The following SLC39A11 variants were observed in gnomAD, a reference collection of about 807,000 sequenced individuals.
SLC39A11 encodes the protein solute carrier family 39 member 11, also known as zinc transporter ZIP11.
Under a neutral mutation model 36.1 loss-of-function variants are expected in SLC39A11, and 33 were observed. That is an observed-to-expected ratio of 0.91 (90% CI 0.69 to 1.22). SLC39A11 has a LOEUF of 1.22. SLC39A11 is among the 50% of genes most tolerant of loss of function. The probability of loss-of-function intolerance (pLI) is 0.00; values close to 1 mark genes in which losing one functional copy is unlikely to be tolerated. For missense variants in SLC39A11, 432 were observed against 430.3 expected (o/e 1.00, Z -0.03); for synonymous variants, 166 against 170.3 (o/e 0.97, Z 0.20).
chr17:72,999,920 T>G (rs1054638608), intron 4 of SLC39A11, among the ~76,000 whole-genome samples: 1 of 151,986 alleles, frequency 6.6e-6, no homozygotes, highest in Non-Finnish European at 1.5e-5. Context: ...TTTGTATTTT[T>G]AGTAGAGATG....
intron 7 of SLC39A11, among the ~76,000 whole-genome samples, chr17:72,679,772 G>A (rs967354616): frequency 8.5e-5 from 13 of 152,216 alleles, no homozygotes; most frequent in Admixed American, 2.6e-4. Context: ...GGCTGGGCAC[G>A]GTGGCTCACG....
chr17:72,769,647 T>A (rs958613857), intron 6 of SLC39A11, among the ~76,000 whole-genome samples: 2 of 151,864 alleles, frequency 1.3e-5, no homozygotes, highest in East Asian at 3.9e-4. Context: ...TGGGTTCAAG[T>A]GATTCTCCTG....
intron 4 of SLC39A11, among the ~76,000 whole-genome samples, chr17:73,008,766 G>A (rs753314963): frequency 2.6e-5 from 4 of 152,046 alleles, no homozygotes; most frequent in South Asian, 2.1e-4. Flanking sequence ...AAGCAATGAC[G>A]TTCTCGGCCA....
chr17:72,926,854 G>T (rs2084078830), intron 5 of SLC39A11, among the ~76,000 whole-genome samples: 1 of 152,046 alleles, frequency 6.6e-6, no homozygotes, highest in Non-Finnish European at 1.5e-5. Flanking sequence ...GACCCCAGGG[G>T]GACACCTGGG....
intron 6 of SLC39A11, among the ~76,000 whole-genome samples, chr17:72,787,253 C>CTTTTTTTTT (rs56100121): frequency 1.5e-4 from 12 of 80,484 alleles, no homozygotes; most frequent in African/African-American, 2.0e-4. Context: ...TAACCCATGG[C>CTTTTTTTTT]TTTTTTTTTT....
At chr17:72,874,069 T>A (rs2080777790) in intron 5 of SLC39A11, among the ~76,000 whole-genome samples, 1 of 152,174 alleles carries the variant, frequency 6.6e-6, no homozygotes, top group South Asian at 2.1e-4. Context: ...CTTTCCTTTA[T>A]AAACTACCCA....
At chr17:72,749,692 C>G (rs2075076149) in intron 6 of SLC39A11, among the ~76,000 whole-genome samples, 1 of 152,116 alleles carries the variant, frequency 6.6e-6, no homozygotes, top group South Asian at 2.1e-4. Context: ...AGTGCCACCC[C>G]ACCCTAGACA....
chr17:72,877,580 T>C (rs750441543), intron 5 of SLC39A11, among the ~76,000 whole-genome samples: 1 of 151,996 alleles, frequency 6.6e-6, no homozygotes, highest in African/African-American at 2.4e-5. Flanking sequence ...GTAATCAAGG[T>C]GGAAGAAAAA....
At chr17:72,865,582 A>G (rs990246751) in intron 5 of SLC39A11, among the ~76,000 whole-genome samples, 4 of 151,302 alleles carry the variant, frequency 2.6e-5, no homozygotes, top group African/African-American at 7.3e-5. Flanking sequence ...ACCTACTCTA[A>G]AAAAAAATAC....
intron 3 of SLC39A11, among the ~76,000 whole-genome samples, chr17:73,081,768 C>CACATATATGT (rs2060542300): frequency 6.3e-5 from 5 of 79,362 alleles, no homozygotes; most frequent in Non-Finnish European, 8.5e-5. Flanking sequence ...TGGGTATATA[C>CACATATATGT]ATATATATAT....
chr17:73,004,298 T>C (rs548428244), intron 4 of SLC39A11, among the ~76,000 whole-genome samples: 6 of 152,242 alleles, frequency 3.9e-5, no homozygotes, highest in African/African-American at 1.4e-4. Context: ...TTATTTCTCA[T>C]AGTTCTGGAG....
In SLC39A11 at chr17:72,744,844, CTTTTCTT is replaced by C. The variant is rs112458901; in HGVS notation, c.602-8132_602-8126del. On this transcript the variant is annotated intron_variant, in intron 6 of 9. Transcript: ENST00000255559. ...GGGGTTAGCATCTCAGCATACACAT[CTTTTCTT>C]TTTTATTTGAGATGGAGTCTTGCTC... is the stretch of plus-strand genomic sequence containing the variant. Among the ~76,000 whole-genome samples, 172 of 152,202 alleles carry C rather than the reference CTTTTCTT, an allele frequency of 1.1e-3. 2 individuals are homozygous for C. Among genetic ancestry groups the C allele is most frequent in the Middle Eastern group, 6.8e-3 (2 of 294 alleles).
intron 3 of SLC39A11, among the ~76,000 whole-genome samples, chr17:73,075,483 G>A (rs1434613257): frequency 6.6e-6 from 1 of 152,152 alleles, no homozygotes; most frequent in Non-Finnish European, 1.5e-5. Context: ...GTAAACAAAG[G>A]CAGCTGGACC....
intron 6 of SLC39A11, among the ~76,000 whole-genome samples, chr17:72,768,025 G>A (rs950019801): frequency 6.6e-6 from 1 of 152,156 alleles, no homozygotes; most frequent in Non-Finnish European, 1.5e-5. Context: ...TTGGGGCAGA[G>A]ATGAAATCAT....
At chr17:72,924,877 C>CA (rs1460514599) in intron 5 of SLC39A11, among the ~76,000 whole-genome samples, 75 of 152,052 alleles carry the variant, frequency 4.9e-4, no homozygotes, top group African/African-American at 1.7e-3. Flanking sequence ...TGGCGTGCAC[C>CA]TGTAGTCCCA....
At chr17:72,799,054 A>T (rs1469098381) in intron 6 of SLC39A11, among the ~76,000 whole-genome samples, 4 of 152,046 alleles carry the variant, frequency 2.6e-5, no homozygotes, top group African/African-American at 7.2e-5. Flanking sequence ...CTTGGACGTG[A>T]GTGTGTGTGT....
chr17:73,083,493 A>G (rs576952807), intron 3 of SLC39A11, among the ~76,000 whole-genome samples: 1 of 152,310 alleles, frequency 6.6e-6, no homozygotes, highest in African/African-American at 2.4e-5. Flanking sequence ...GGAAACCCAC[A>G]TATTACACGC....
intron 4 of SLC39A11, among the ~76,000 whole-genome samples, chr17:72,952,090 C>T (rs975380997): frequency 1.3e-5 from 2 of 152,134 alleles, no homozygotes; most frequent in Non-Finnish European, 2.9e-5. Context: ...CCCATGTGCT[C>T]CCTCCAACAT....
intron 4 of SLC39A11, among the ~76,000 whole-genome samples, chr17:72,954,149 T>C (rs554368844): frequency 4.6e-5 from 7 of 152,120 alleles, no homozygotes; most frequent in Non-Finnish European, 1.0e-4. Context: ...CTAATTAAAG[T>C]GATTCTCCTG....
Sources: allele counts gnomAD v4.1 joint callset (sites outside exome capture counted in the v4.1 genomes callset), GRCh38; gene constraint gnomAD v4.1.1; transcripts MANE v1.5; gene names NCBI Gene and HGNC (gene_info 2026-07-23, HGNC 2026-07-21).